GLRB: variants seen among roughly 807,000 people sequenced by gnomAD.
GLRB encodes the protein glycine receptor beta, also known as glycine receptor subunit beta.
GLRB carries 33 observed loss-of-function variants against 54.2 expected under a neutral mutation model. The observed-to-expected ratio is 0.61, with a 90% CI of 0.46 to 0.81. GLRB has a LOEUF of 0.81. Ranked by LOEUF, GLRB falls within the 40% of genes least tolerant of loss-of-function variation. The pLI is 0.00. For missense variants in GLRB, 572 were observed against 584.6 expected, an observed-to-expected ratio of 0.98 and a Z score of 0.22; for synonymous variants, 209 against 208.2, an observed-to-expected ratio of 1.00 and a Z score of -0.03.
intron 2 of GLRB, among the ~76,000 whole-genome samples, chr4:157,102,974 G>T (rs1735088595): frequency 6.6e-6 from 1 of 151,996 alleles, no homozygotes; most frequent in East Asian, 1.9e-4. Context: ...AGACCAGCCT[G>T]GCCAACATAG....
intron 7 of GLRB, among the ~76,000 whole-genome samples, chr4:157,141,313 G>A (rs1736601833): frequency 6.6e-6 from 1 of 151,872 alleles, no homozygotes; most frequent in Admixed American, 6.6e-5. Context: ...ATGAATATAA[G>A]TAAAATATAT....
At chr4:157,163,909 A>G (rs1737614302) in intron 9 of GLRB, among the ~76,000 whole-genome samples, 1 of 151,670 alleles carries the variant, frequency 6.6e-6, no homozygotes. Flanking sequence ...TAGGAAAGGT[A>G]TGTCTACTCT....
chr4:157,145,592 CAAAAT>C (rs1169185589), intron 8 of GLRB, among the ~76,000 whole-genome samples: 1 of 151,954 alleles, frequency 6.6e-6, no homozygotes, highest in African/African-American at 2.4e-5. Flanking sequence ...ATGTTGTTAA[CAAAAT>C]AAATAGCTAA....
intron 9 of GLRB, among the ~76,000 whole-genome samples, chr4:157,164,526 T>G (rs2126628651): frequency 6.6e-6 from 1 of 152,314 alleles, no homozygotes; most frequent in African/African-American, 2.4e-5. Flanking sequence ...GAACAGGTGC[T>G]TGATTCCTGG....
intron 9 of GLRB, among the ~76,000 whole-genome samples, chr4:157,158,574 T>C (rs542241109): frequency 6.6e-6 from 1 of 152,350 alleles, no homozygotes; most frequent in South Asian, 2.1e-4. Context: ...CCCAGCACCA[T>C]TTATTAAATA....
At chr4:157,139,256 A>G (rs539659907) in intron 7 of GLRB, among the ~76,000 whole-genome samples, 9 of 152,202 alleles carry the variant, frequency 5.9e-5, no homozygotes, top group South Asian at 4.1e-4. Flanking sequence ...AAGAAATTCT[A>G]CTTCTGGCAG....
chr4:157,112,854 G>A (rs1040993184), intron 2 of GLRB, among the ~76,000 whole-genome samples: 4 of 151,966 alleles, frequency 2.6e-5, no homozygotes, highest in Admixed American at 2.0e-4. Flanking sequence ...ATTCCCAGGA[G>A]CAAGCTCATT....
chr4:157,120,713 T>C, intron 3 of GLRB, 51 bp downstream of exon 3: 2 of 859,306 alleles, frequency 2.3e-6, no homozygotes, highest in Non-Finnish European at 1.9e-6. Flanking sequence ...AAATTAATTT[T>C]ATATGTTTAG....
At chr4:157,147,776 C>G (rs1442337824) in intron 8 of GLRB, among the ~76,000 whole-genome samples, 1 of 152,146 alleles carries the variant, frequency 6.6e-6, no homozygotes, top group African/African-American at 2.4e-5. Context: ...GGTAAGCAAA[C>G]TCCTGTAGAA....
Position 157,170,481 on chromosome 4 carries a change from G to C in GLRB, c.1247G>C (p.Arg416Thr). 6.2e-7 allele frequency: 1 copy of C among 1,608,628 alleles called. No homozygotes were observed. The highest frequency in any genetic ancestry group is 1.1e-5 in the South Asian group (1 of 90,916). ...KKVCTSKSDL[R>T]SNDFSIVGSL... ...GTTTGTACTTCTAAGTCTGATCTGA[G>C]ATCTAATGACTTCAGCATTGTTGGA... The change falls in exon 10 of 10, where the codon AGA becomes ACA. Residue 416 changes from arginine to threonine, a missense_variant. Arg to Thr is a moderately conservative substitution (Grantham distance 71). Transcript: ENST00000264428.
chr4:157,077,992 G>T lies in GLRB; in HGVS notation c.-29-4G>T, dbSNP rs370006358. 7 of 1,575,350 alleles carry T rather than the reference G, an allele frequency of 4.4e-6. No homozygotes were observed. Among genetic ancestry groups the T allele is most frequent in the Non-Finnish European group, 6.1e-6 (7 of 1,147,352 alleles). ...TGTAAACATTTTCTTGTTCTCTCTT[G>T]TAGATCGATCTTCTGAAATTCAAGT... On this transcript the variant is annotated splice_region_variant and splice_polypyrimidine_tract_variant and intron_variant, in intron 1 of 9. Transcript: ENST00000264428.
chr4:157,094,855 T>C (rs1387367860), intron 2 of GLRB, among the ~76,000 whole-genome samples: 1 of 152,140 alleles, frequency 6.6e-6, no homozygotes. Context: ...CTATTTCTAG[T>C]GTATACAGTA....
chr4:157,164,348 T>G (rs1426963252), intron 9 of GLRB, among the ~76,000 whole-genome samples: 1 of 152,170 alleles, frequency 6.6e-6, no homozygotes, highest in East Asian at 1.9e-4. Context: ...CCTGAGAGCC[T>G]TATGTTATGT....
intron 2 of GLRB, among the ~76,000 whole-genome samples, chr4:157,089,193 A>G (rs1349870245): frequency 1.3e-5 from 2 of 152,172 alleles, no homozygotes; most frequent in Middle Eastern, 3.4e-3. Flanking sequence ...AGTTCGGGAC[A>G]AGCATGGGCA....
chr4:157,162,877 A>G (rs184276643), intron 9 of GLRB, among the ~76,000 whole-genome samples: 29 of 152,288 alleles, frequency 1.9e-4, no homozygotes, highest in Admixed American at 1.6e-3. Flanking sequence ...AGACAGGGAC[A>G]TTTTAAGTCT....
At chr4:157,124,553 G>C (rs1318690681) in intron 4 of GLRB, among the ~76,000 whole-genome samples, 2 of 151,812 alleles carry the variant, frequency 1.3e-5, no homozygotes, top group Non-Finnish European at 2.9e-5. Flanking sequence ...CCAATAGTGA[G>C]TGAATAAATG....
chr4:157,163,732 G>C (rs1198042284), intron 9 of GLRB, among the ~76,000 whole-genome samples: 1 of 151,998 alleles, frequency 6.6e-6, no homozygotes, highest in Non-Finnish European at 1.5e-5. Flanking sequence ...GAGACAAAAG[G>C]GGGAATGCAG....
chr4:157,131,141 T>C (rs1433965909), intron 4 of GLRB, among the ~76,000 whole-genome samples: 1 of 151,758 alleles, frequency 6.6e-6, no homozygotes, highest in Non-Finnish European at 1.5e-5. Flanking sequence ...AAAGTTACAT[T>C]GTCCTGGAGA....
In GLRB at chr4:157,149,880, CTT is replaced by C. The variant is rs1241416692; in HGVS notation, c.905-2835_905-2834del. On this transcript the variant is annotated intron_variant, in intron 8 of 9. Coordinates refer to ENST00000264428, the MANE Select transcript of GLRB (RefSeq NM_000824.5). Reference sequence around the variant, plus strand: ...CTTTTCTTTCCTTATTTTTTCTTCTCTTTTCTTTTTCTAGTTTTCAATTTTTC... The same window carrying C: ...CTTTTCTTTCCTTATTTTTTCTTCTCTTCTTTTTCTAGTTTTCAATTTTTC... 2.0e-5 allele frequency among the ~76,000 whole-genome samples: 3 copies of C among 151,682 alleles called. No homozygotes were observed. The East Asian group carries it at 5.8e-4, about 29-fold the overall frequency.
Sources: allele counts gnomAD v4.1 joint callset (sites outside exome capture counted in the v4.1 genomes callset), GRCh38; gene constraint gnomAD v4.1.1; transcripts MANE v1.5; gene names NCBI Gene and HGNC (gene_info 2026-07-23, HGNC 2026-07-21).